The following CDC7 variants were observed in gnomAD, a reference collection of about 807,000 sequenced individuals.
The protein encoded by CDC7 is cell division cycle 7-related protein kinase.
CDC7 carries 34 observed loss-of-function variants against 53.5 expected under a neutral mutation model. That is an observed-to-expected ratio of 0.64 (90% CI 0.48 to 0.85). CDC7 has a LOEUF of 0.85. Ranked by LOEUF, CDC7 falls within the 40% of genes least tolerant of loss-of-function variation. The pLI, the probability that CDC7 is intolerant of heterozygous loss-of-function variation, is 0.00. For synonymous variants in CDC7, 211 were observed against 222.8 expected (o/e 0.95, Z 0.47); for missense variants, 594 against 679.7 (o/e 0.87, Z 1.40).
chr1:91,515,679 CTT>C, intron 9 of CDC7, 113 bp from the exon 10 acceptor site: 2 of 1,163,056 alleles, frequency 1.7e-6, no homozygotes, highest in Non-Finnish European at 2.4e-6. Flanking sequence ...TATAGTAACA[CTT>C]ATTATATAGG....
At position 91,519,256 on chromosome 1, in the gene CDC7, C is replaced by CAAAA. The variant is rs71087957; in HGVS notation, c.1181-851_1181-848dup. ...CAAAACCTCGTCTCTACTAAAAATA[C>CAAAA]AAAAAAAAAAAAAAAAAAAAAAAAA... On this transcript the variant is annotated intron_variant, in intron 10 of 11. Coordinates refer to ENST00000234626, the MANE Select transcript of CDC7 (RefSeq NM_003503.4). Among the ~76,000 whole-genome samples, 79 of 60,198 alleles carry CAAAA rather than the reference C, an allele frequency of 1.3e-3. 2 individuals are homozygous for CAAAA. Among genetic ancestry groups the CAAAA allele is most frequent in the Non-Finnish European group, 2.2e-3 (62 of 28,492 alleles). 39.5% of individuals were successfully genotyped at this position (60,198 alleles called of 152,430 possible). A position where few individuals can be genotyped will look rare whatever the true frequency, so the allele number is the denominator to read the frequency against.
chr1:91,507,787 T>G (rs1002639339), intron 2 of CDC7, 67 bp from the exon 3 acceptor site: 87 of 1,028,198 alleles, frequency 8.5e-5, no homozygotes, highest in Non-Finnish European at 1.2e-4. Flanking sequence ...TTGAGCTTTT[T>G]AAATTTTAAG....
At chr1:91,502,499 A>C (rs912075189) in intron 2 of CDC7, among the ~76,000 whole-genome samples, 3 of 152,124 alleles carry the variant, frequency 2.0e-5, no homozygotes, top group African/African-American at 4.8e-5. Flanking sequence ...CTTTGTCTTA[A>C]GTGAATTCTG....
intron 10 of CDC7, among the ~76,000 whole-genome samples, chr1:91,517,078 A>G (rs1667599254): frequency 1.3e-5 from 2 of 152,190 alleles, no homozygotes; most frequent in African/African-American, 2.4e-5. Flanking sequence ...AAAAAGTCCA[A>G]TTTTGCTAGA....
intron 11 of CDC7, among the ~76,000 whole-genome samples, chr1:91,520,896 G>A (rs1463477471): frequency 1.3e-5 from 2 of 152,178 alleles, no homozygotes; most frequent in Non-Finnish European, 2.9e-5. Flanking sequence ...CCTTAGCCAC[G>A]CAAGTTCTTC....
Position 91,501,656 on chromosome 1 carries a change from G to C in CDC7, c.-61G>C. On this transcript the variant is annotated splice_region_variant and 5_prime_UTR_variant, in exon 2 of 12. Transcript: ENST00000234626. ...CTCTAGTGTTCTAATTTTCACAGCTGCTTTGCTCCCCCTGTGGATGTAACC... is the reference window on the plus strand; with the variant it reads ...CTCTAGTGTTCTAATTTTCACAGCTCCTTTGCTCCCCCTGTGGATGTAACC... The C allele has an allele frequency of 8.5e-7, 1 of 1,183,162 alleles. No individual in the cohort carries two copies. Among genetic ancestry groups the C allele is most frequent in the South Asian group, 1.2e-5 (1 of 80,110 alleles). The allele number at this position is 1,183,162 out of a possible 1,614,324, so 73.3% of individuals were successfully genotyped here.
At chr1:91,517,699 G>A (rs1667637412) in intron 10 of CDC7, among the ~76,000 whole-genome samples, 1 of 152,136 alleles carries the variant, frequency 6.6e-6, no homozygotes, top group Non-Finnish European at 1.5e-5. Flanking sequence ...GACCAATCAG[G>A]GAGAGTATAC....
chr1:91,514,190 G>C, intron 8 of CDC7, 147 bp downstream of exon 8: 1 of 494,870 alleles, frequency 2.0e-6, no homozygotes, highest in Non-Finnish European at 3.5e-6. Context: ...TAAGCATTTA[G>C]TCAAAACTTG....
intron 11 of CDC7, among the ~76,000 whole-genome samples, chr1:91,521,483 G>T (rs571774826): frequency 4.1e-4 from 62 of 152,284 alleles, no homozygotes; most frequent in African/African-American, 1.4e-3. Flanking sequence ...TCCACGATTT[G>T]TAACTATCTT....
chr1:91,522,434 T>C (rs565319790), intron 11 of CDC7, among the ~76,000 whole-genome samples: 3 of 152,306 alleles, frequency 2.0e-5, no homozygotes, highest in Non-Finnish European at 4.4e-5. Flanking sequence ...GTGAATTGTG[T>C]TGAATAAATT....
chr1:91,501,428 C>T (rs1048042607), intron 1 of CDC7: 1 of 329,086 alleles, frequency 3.0e-6, no homozygotes, highest in Non-Finnish European at 5.6e-6. Context: ...TGCTGCTGCG[C>T]GGGTGCCCAA....
rs1368701219 is a variant in CDC7, at chr1:91,520,224, C to T, written c.1275C>T (p.Ala425=). The T allele has an allele frequency of 3.7e-6, 6 of 1,607,626 alleles. No homozygotes were observed. Among genetic ancestry groups the T allele is most frequent in the Middle Eastern group, 1.7e-4 (1 of 6,048 alleles). ...YKASDDLTAL[A]QIMTIRGSRE... ...CAAGTGATGATTTAACTGCTTTGGC[C>T]CAAATTATGACAATTAGGGGATCCA... is the stretch of plus-strand genomic sequence containing the variant. The change falls in exon 11 of 12, where the codon GCC becomes GCT. Residue 425 remains alanine, a synonymous_variant. Coordinates refer to ENST00000234626, the MANE Select transcript of CDC7 (RefSeq NM_003503.4).
At chr1:91,515,986 A>G in intron 10 of CDC7, 110 bp downstream of exon 10, 1 of 889,696 alleles carries the variant, frequency 1.1e-6, no homozygotes, top group Non-Finnish European at 1.8e-6. Context: ...TCTGCTTTTA[A>G]TTATGTAAGC....
rs540522818 is a variant in CDC7 at position 91,511,197 on chromosome 1, T to C, written c.336-400T>C. On this transcript the variant is annotated intron_variant, in intron 4 of 11. Transcript: ENST00000234626. ...TCTTTTATGAAGCAGTGTAACATAGTGATTAAGAACATATATCTGGAGCAA... is the reference window on the plus strand; with the variant it reads ...TCTTTTATGAAGCAGTGTAACATAGCGATTAAGAACATATATCTGGAGCAA... 2.6e-5 allele frequency among the ~76,000 whole-genome samples: 4 copies of C among 152,296 alleles called. No homozygotes were observed. In the South Asian group the frequency reaches 8.3e-4, roughly 32 times the overall value.
At chr1:91,508,154 G>A in intron 3 of CDC7, 108 bp from the exon 4 acceptor site, 1 of 867,104 alleles carries the variant, frequency 1.2e-6, no homozygotes, top group Non-Finnish European at 1.7e-6. Context: ...ATGAAGTCCT[G>A]TTTTAATGTA....
At chr1:91,509,896 TC>T (rs1309417184) in intron 4 of CDC7, among the ~76,000 whole-genome samples, 3 of 152,174 alleles carry the variant, frequency 2.0e-5, no homozygotes, top group Non-Finnish European at 4.4e-5. Flanking sequence ...GGAAGACCTC[TC>T]CCAGTCATTG....
At chr1:91,508,151 C>T (rs779760045) in intron 3 of CDC7, 111 bp from the exon 4 acceptor site, 47 of 815,348 alleles carry the variant, frequency 5.8e-5, no homozygotes, top group Admixed American at 2.7e-4. Context: ...AAAATGAAGT[C>T]CTGTTTTAAT....
intron 2 of CDC7, among the ~76,000 whole-genome samples, chr1:91,505,992 A>G (rs1235842414): frequency 6.6e-6 from 1 of 151,634 alleles, no homozygotes; most frequent in Non-Finnish European, 1.5e-5. Context: ...GCCACATTCT[A>G]TTTCTATTAT....
At chr1:91,516,908 T>C (rs1382841445) in intron 10 of CDC7, among the ~76,000 whole-genome samples, 4 of 151,906 alleles carry the variant, frequency 2.6e-5, no homozygotes, top group Non-Finnish European at 5.9e-5. Context: ...CTACTAAAAA[T>C]ACAAAAATCA....
Sources: allele counts gnomAD v4.1 joint callset (sites outside exome capture counted in the v4.1 genomes callset), GRCh38; gene constraint gnomAD v4.1.1; transcripts MANE v1.5; gene names NCBI Gene and HGNC (gene_info 2026-07-23, HGNC 2026-07-21).